PTPRT: variants seen among roughly 807,000 people sequenced by gnomAD.
PTPRT encodes the protein protein tyrosine phosphatase receptor type T.
PTPRT carries 56 observed loss-of-function variants against 176.8 expected under a neutral mutation model. The ratio of observed to expected loss-of-function variants is 0.32; its 90% CI spans 0.26 to 0.40. The LOEUF is 0.40. Ranked by LOEUF, PTPRT falls within the 10% of genes least tolerant of loss-of-function variation. PTPRT has a pLI of 1.00. For missense variants in PTPRT, 1,540 were observed against 1,908.2 expected (o/e 0.81, Z 3.60); for synonymous variants, 783 against 739.0 (o/e 1.06, Z -0.96).
chr20:42,421,411 C>T (rs561494214), intron 9 of PTPRT, among the ~76,000 whole-genome samples: 66 of 152,196 alleles, frequency 4.3e-4, no homozygotes, highest in African/African-American at 1.5e-3. Flanking sequence ...AAAGGGACAA[C>T]AGGCAGGAGA....
chr20:42,102,224 T>G lies in PTPRT; in HGVS notation c.3614A>C (p.Lys1205Thr). The G allele has an allele frequency of 6.2e-7, 1 of 1,614,144 alleles. No individual in the cohort carries two copies. The highest frequency in any genetic ancestry group is 8.5e-7 in the Non-Finnish European group (1 of 1,180,016). Residue 1205 changes from lysine to threonine, a missense_variant, in exon 26 of 31, where the codon AAG (lysine) becomes ACG (threonine). By Grantham distance (78) the Lys-to-Thr change is moderately conservative. Around this residue, in one of 11 missense-constraint regions of PTPRT, gnomAD observed 342 missense variants for 394.0 expected, o/e 0.87. Transcript: ENST00000373187. ...SIGLLPRNHDKNRSMDVLPLD... is the reference protein window; with the variant it reads ...SIGLLPRNHDTNRSMDVLPLD... ...AGGCAGCACGTCCATACTTCGATTC[T>G]TATCATGGTTCCGGGGCAGGAGCCC...
chr20:42,191,377 T>A (rs1235700849), intron 16 of PTPRT, among the ~76,000 whole-genome samples: 2 of 151,978 alleles, frequency 1.3e-5, no homozygotes, highest in African/African-American at 4.8e-5. Context: ...AAAACATGAG[T>A]GATATATTTT....
chr20:42,179,869 G>C (rs974659103), intron 16 of PTPRT, among the ~76,000 whole-genome samples: 5 of 152,196 alleles, frequency 3.3e-5, no homozygotes, highest in African/African-American at 4.8e-5. Context: ...GAAAGGCATG[G>C]AATAGCCAAG....
At chr20:42,868,212 G>A (rs888099260) in intron 2 of PTPRT, among the ~76,000 whole-genome samples, 8 of 152,140 alleles carry the variant, frequency 5.3e-5, no homozygotes, top group Non-Finnish European at 8.8e-5. Flanking sequence ...GAAGAAAGCT[G>A]GAGAGAAAGG....
chr20:42,144,687 C>T (rs1369557142), intron 17 of PTPRT, among the ~76,000 whole-genome samples: 2 of 152,170 alleles, frequency 1.3e-5, no homozygotes, highest in Non-Finnish European at 2.9e-5. Context: ...ACTCTCTCTA[C>T]CCTAAATTTA....
At chr20:42,193,322 G>T (rs997395305) in intron 16 of PTPRT, among the ~76,000 whole-genome samples, 2 of 152,226 alleles carry the variant, frequency 1.3e-5, no homozygotes, top group South Asian at 4.1e-4. Context: ...CTGGCCCCAG[G>T]CCTCTGTTCA....
chr20:42,369,110 A>G (rs1311801653), intron 9 of PTPRT, among the ~76,000 whole-genome samples: 1 of 136,964 alleles, frequency 7.3e-6, no homozygotes, highest in Non-Finnish European at 1.5e-5. Flanking sequence ...CCTTCCTTCC[A>G]TCCATCCGTC....
rs889156929 is a variant in PTPRT at position 42,651,911 on chromosome 20, G to T, written c.1153+25955C>A. Among the ~76,000 whole-genome samples the T allele has an allele frequency of 3.9e-5, 6 of 152,178 alleles. No homozygotes were observed. The East Asian group carries it at 1.2e-3, about 29-fold the overall frequency. On this transcript the variant is annotated intron_variant, in intron 7 of 30. Coordinates refer to ENST00000373187, the MANE Select transcript of PTPRT (RefSeq NM_007050.6). The stretch of plus-strand genomic sequence containing the variant: ...AAACTAAAAAAAATTAGCTGGGCTT[G>T]GTGGTGTGTGCCTGCAATCCCAGCT...
Position 42,161,442 on chromosome 20 carries a change from C to T in PTPRT, c.2592G>A (p.Gln864=). ...CAGCCACCCGGATGGCGGGTTGGAA[C>T]TGGTCCCGGGGGTAGCTCATCTCCA... ...DPVEMSYPRD[Q]FQPAIRVADL... The change falls in exon 17 of 31, where the codon CAG becomes CAA. Residue 864 remains glutamine, a synonymous_variant. Coordinates refer to ENST00000373187, the MANE Select transcript of PTPRT (RefSeq NM_007050.6). 1 of 1,614,168 alleles carries T rather than the reference C, an allele frequency of 6.2e-7. No homozygotes were observed. The highest frequency in any genetic ancestry group is 8.5e-7 in the Non-Finnish European group (1 of 1,180,020).
Position 42,199,254 on chromosome 20 carries a change from T to C in PTPRT, c.2477A>G (p.Asp826Gly), listed in dbSNP as rs1440549941. 1.1e-5 allele frequency: 18 copies of C among 1,613,920 alleles called. No homozygotes were observed. The highest frequency in any genetic ancestry group is 1.0e-4 in the Admixed American group (6 of 59,986). ...GCTCTACTTACTGAATCCGTTGACG[T>C]CCTGAGAACTAGAAGAGAAGCCTTC... ...NDEGFSSSSQ[D>G]VNGFTDGSRG... The change falls in exon 16 of 31, where the codon GAC becomes GGC. Residue 826 changes from aspartate to glycine, a missense_variant. Around this residue, in one of 11 missense-constraint regions of PTPRT, gnomAD observed 255 missense variants for 250.1 expected, o/e 1.02. Coordinates refer to ENST00000373187, the MANE Select transcript of PTPRT (RefSeq NM_007050.6).
chr20:42,315,976 T>G lies in PTPRT; in HGVS notation c.1886A>C (p.Lys629Thr). ...CCGTGACTTCTGAAGTCGCTCCTCCTTGACAACCAGCTGATAAACACTGGA... is the reference window on the plus strand; with the variant it reads ...CCGTGACTTCTGAAGTCGCTCCTCCGTGACAACCAGCTGATAAACACTGGA... ...APVSVYQLVV[K>T]EERLQKSRRA... is the part of the protein sequence containing the mutation. The change falls in exon 12 of 31, where the codon AAG (lysine) becomes ACG (threonine). Residue 629 changes from lysine (K) to threonine (T), a missense_variant. Physicochemically the swap from Lys to Thr is moderately conservative, Grantham distance 78 (BLOSUM62 -1). Coordinates refer to ENST00000373187, the MANE Select transcript of PTPRT (RefSeq NM_007050.6). The G allele has an allele frequency of 6.2e-7, 1 of 1,614,002 alleles. No homozygotes were observed. The highest frequency in any genetic ancestry group is 2.2e-5 in the East Asian group (1 of 44,880).
chr20:42,490,969 A>T (rs767498070), intron 7 of PTPRT, among the ~76,000 whole-genome samples: 12 of 152,208 alleles, frequency 7.9e-5, no homozygotes, highest in Middle Eastern at 3.4e-3. Flanking sequence ...GTTTGGGGTA[A>T]TTATAAGTAA....
chr20:42,237,163 G>T (rs1299063478), intron 14 of PTPRT, among the ~76,000 whole-genome samples: 1 of 152,188 alleles, frequency 6.6e-6, no homozygotes, highest in Non-Finnish European at 1.5e-5. Context: ...ACAGAAATAA[G>T]TCATTCCCTT....
intron 1 of PTPRT, among the ~76,000 whole-genome samples, chr20:42,987,986 C>T (rs976545049): frequency 8.5e-5 from 13 of 152,052 alleles, no homozygotes; most frequent in Non-Finnish European, 1.8e-4. Context: ...ACAGACAGGC[C>T]GAGATGGAAG....
chr20:42,296,419 C>A (rs1381651752), intron 12 of PTPRT, among the ~76,000 whole-genome samples: 1 of 147,408 alleles, frequency 6.8e-6, no homozygotes, highest in Non-Finnish European at 1.5e-5. Flanking sequence ...GCACTCCAGC[C>A]TGGGTAACAC....
At chr20:42,591,843 A>C (rs2145759090) in intron 7 of PTPRT, among the ~76,000 whole-genome samples, 1 of 152,198 alleles carries the variant, frequency 6.6e-6, no homozygotes, top group South Asian at 2.1e-4. Context: ...TGGCTTCAGA[A>C]ACCAGTTGAG....
intron 9 of PTPRT, among the ~76,000 whole-genome samples, chr20:42,377,957 A>G (rs2058666525): frequency 6.6e-6 from 1 of 152,244 alleles, no homozygotes; most frequent in Admixed American, 6.5e-5. Flanking sequence ...TAGCATCATT[A>G]TAACTAATAG....
chr20:42,421,374 G>A (rs2059117676), intron 9 of PTPRT, among the ~76,000 whole-genome samples: 1 of 152,150 alleles, frequency 6.6e-6, no homozygotes, highest in Admixed American at 6.5e-5. Context: ...ATCTGTGAAT[G>A]TGACCTTATT....
chr20:42,246,693 G>T (rs888460140), intron 14 of PTPRT, among the ~76,000 whole-genome samples: 3 of 152,184 alleles, frequency 2.0e-5, no homozygotes, highest in Non-Finnish European at 4.4e-5. Flanking sequence ...GGTGACGTGG[G>T]TTAAGCCAGG....
Sources: gnomAD v4.1 joint callset for allele counts (sites outside exome capture counted in the v4.1 genomes callset) on GRCh38, gnomAD v4.1.1 for gene constraint, gnomAD v4.1.1 regional missense constraint, MANE v1.5 for transcripts, NCBI Gene and HGNC (gene_info 2026-07-23, HGNC 2026-07-21) for gene names.